Variants in RIMS1 observed in about 807,000 individuals in gnomAD.
RIMS1 encodes the protein regulating synaptic membrane exocytosis protein 1.
RIMS1 carries 83 observed loss-of-function variants against 214.1 expected under a neutral mutation model. The observed-to-expected ratio is 0.39, with a 90% CI of 0.32 to 0.47. The LOEUF (loss-of-function observed/expected upper bound fraction) is 0.47, where lower values mean the gene tolerates loss of function less well. Among genes scored for constraint, RIMS1 ranks in the 20% least tolerant of loss-of-function variants. The pLI is 0.99. For missense variants in RIMS1, 2,050 were observed against 2,161.8 expected, an observed-to-expected ratio of 0.95 and a Z score of 1.03; for synonymous variants, 793 against 786.8, an observed-to-expected ratio of 1.01 and a Z score of -0.13.
intron 4 of RIMS1, among the ~76,000 whole-genome samples, chr6:72,161,533 A>C (rs1162046962): frequency 7.1e-6 from 1 of 140,206 alleles, no homozygotes; most frequent in Non-Finnish European, 1.6e-5. Flanking sequence ...TTAGTGCTAT[A>C]AATTTCCCTC....
chr6:72,251,767 T>C (rs926421554), intron 15 of RIMS1, among the ~76,000 whole-genome samples: 1 of 151,874 alleles, frequency 6.6e-6, no homozygotes, highest in African/African-American at 2.4e-5. Flanking sequence ...CTGGAGTGCA[T>C]TGGCGTGATC....
chr6:72,031,180 T>C (rs1455862668), intron 2 of RIMS1, among the ~76,000 whole-genome samples: 1 of 152,118 alleles, frequency 6.6e-6, no homozygotes, highest in Non-Finnish European at 1.5e-5. Flanking sequence ...TAAATAGCAA[T>C]AAGAACAAAC....
intron 29 of RIMS1, among the ~76,000 whole-genome samples, chr6:72,354,219 CAATA>C (rs942687189): frequency 2.0e-5 from 3 of 151,840 alleles, no homozygotes; most frequent in African/African-American, 2.4e-5. Context: ...GACTCCGTCT[CAATA>C]AATAAATAAA....
At chr6:71,939,129 C>T (rs1043226458) in intron 1 of RIMS1, among the ~76,000 whole-genome samples, 7 of 152,174 alleles carry the variant, frequency 4.6e-5, no homozygotes, top group Non-Finnish European at 8.8e-5. Flanking sequence ...CACAGTTATG[C>T]CAAATTCTTT....
intron 6 of RIMS1, among the ~76,000 whole-genome samples, chr6:72,190,737 T>C (rs952938220): frequency 6.6e-6 from 1 of 152,172 alleles, no homozygotes; most frequent in African/African-American, 2.4e-5. Flanking sequence ...CAGGACCTGC[T>C]TGAGCCTGAT....
intron 2 of RIMS1, among the ~76,000 whole-genome samples, chr6:72,036,362 A>T (rs1046368726): frequency 2.6e-5 from 4 of 152,182 alleles, no homozygotes; most frequent in Admixed American, 6.5e-5. Flanking sequence ...AATCATACCC[A>T]TTCATTTCTT....
intron 1 of RIMS1, among the ~76,000 whole-genome samples, chr6:71,960,997 T>C (rs1792791811): frequency 6.6e-6 from 1 of 152,092 alleles, no homozygotes; most frequent in African/African-American, 2.4e-5. Flanking sequence ...ACATAACTAT[T>C]AGTGAATGAT....
At chr6:72,380,049 C>T (rs993687848) in intron 29 of RIMS1, among the ~76,000 whole-genome samples, 1 of 152,084 alleles carries the variant, frequency 6.6e-6, no homozygotes, top group Non-Finnish European at 1.5e-5. Context: ...ACATATACAC[C>T]ATGGAATACT....
At chr6:72,263,021 T>C (rs1332966207) in intron 19 of RIMS1, 2 of 779,692 alleles carry the variant, frequency 2.6e-6, no homozygotes, top group South Asian at 5.9e-5. Flanking sequence ...ATTTTACGAC[T>C]AATAGAGTAA....
intron 4 of RIMS1, among the ~76,000 whole-genome samples, chr6:72,121,477 G>T (rs2038294631): frequency 6.6e-6 from 1 of 151,888 alleles, no homozygotes; most frequent in African/African-American, 2.4e-5. Flanking sequence ...GTATAGGAAT[G>T]CTTGTGATTT....
At chr6:72,202,722 A>G (rs1372477020) in intron 6 of RIMS1, among the ~76,000 whole-genome samples, 1 of 152,202 alleles carries the variant, frequency 6.6e-6, no homozygotes, top group Non-Finnish European at 1.5e-5. Context: ...ATGATCATGA[A>G]GAACCTTATT....
Position 72,251,261 on chromosome 6 carries a change from G to A in RIMS1, c.2591G>A (p.Trp864Ter). 6.3e-7 allele frequency: 1 copy of A among 1,598,606 alleles called. No individual in the cohort carries two copies. Among genetic ancestry groups the A allele is most frequent in the Non-Finnish European group, 8.5e-7 (1 of 1,171,696 alleles). ...GCGCTTTTAGATGATGAACCGCATT[G>A]GTATAAACTTCAGACACATGATGAG... is the stretch of plus-strand genomic sequence containing the variant. Reference protein sequence around the residue: ...ETALLDDEPHWYKLQTHDESS... With the variant: ...ETALLDDEPH The change falls in exon 15 of 34, where the codon TGG becomes TAG. Residue 864 changes from tryptophan to a stop codon, truncating the protein, a stop_gained. Coordinates refer to ENST00000521978, the MANE Select transcript of RIMS1 (RefSeq NM_014989.7). LOFTEE classifies it high-confidence loss of function.
chr6:72,332,466 A>G (rs1345401163), intron 28 of RIMS1, among the ~76,000 whole-genome samples: 2 of 143,904 alleles, frequency 1.4e-5, no homozygotes, highest in Non-Finnish European at 3.0e-5. Context: ...GTTCTCACTC[A>G]TAGATGGGAA....
chr6:72,196,273 AACCT>A (rs1554269173), intron 6 of RIMS1, among the ~76,000 whole-genome samples: 1 of 152,084 alleles, frequency 6.6e-6, no homozygotes, highest in Non-Finnish European at 1.5e-5. Context: ...ATCTAAAAAG[AACCT>A]ACTGCATTAT....
At position 72,153,115 on chromosome 6, in the gene RIMS1, A is replaced by G. The variant is rs553170283; in HGVS notation, c.472-26460A>G. Among the ~76,000 whole-genome samples, 17 of 146,740 alleles carry G rather than the reference A, an allele frequency of 1.2e-4. 1 individual carries two copies. The highest frequency in any genetic ancestry group is 4.2e-4 in the African/African-American group (17 of 40,444). On this transcript the variant is annotated intron_variant, in intron 4 of 33. Coordinates refer to ENST00000521978, the MANE Select transcript of RIMS1 (RefSeq NM_014989.7). ...ATATATTCCCTATGTATATATATGG[A>G]ATATATGTATATATTCCCTATGTAT...
At chr6:72,014,869 T>G (rs1200482730) in intron 2 of RIMS1, among the ~76,000 whole-genome samples, 1 of 152,208 alleles carries the variant, frequency 6.6e-6, no homozygotes, top group Non-Finnish European at 1.5e-5. Context: ...TCATGATATA[T>G]CCTCTTTGGA....
chr6:71,895,960 A>T (rs1771622474), intron 1 of RIMS1, among the ~76,000 whole-genome samples: 1 of 152,170 alleles, frequency 6.6e-6, no homozygotes. Flanking sequence ...TTTTCCTTTT[A>T]TATTTCACAC....
chr6:72,053,729 A>G (rs1264144316), intron 2 of RIMS1, among the ~76,000 whole-genome samples: 2 of 152,154 alleles, frequency 1.3e-5, no homozygotes, highest in African/African-American at 2.4e-5. Context: ...ATGCTTTTGA[A>G]TCAGGAAATA....
In RIMS1 at chr6:72,390,588, C is replaced by T. The variant is rs758966067; in HGVS notation, c.4367-10C>T. The T allele has an allele frequency of 5.0e-6, 8 of 1,608,806 alleles. No homozygotes were observed. The highest frequency in any genetic ancestry group is 6.8e-6 in the Non-Finnish European group (8 of 1,177,066). On this transcript the variant is annotated splice_polypyrimidine_tract_variant and intron_variant, in intron 29 of 33. Transcript: ENST00000521978. The stretch of plus-strand genomic sequence containing the variant: ...TAAAACTTAGAGTTTCTTTTACTCT[C>T]TCCTGTCAGAGTCGGGCCACAAAAA...
Sources: gnomAD v4.1 joint callset for allele counts (sites outside exome capture counted in the v4.1 genomes callset) on GRCh38, gnomAD v4.1.1 for gene constraint, MANE v1.5 for transcripts, NCBI Gene and HGNC (gene_info 2026-07-23, HGNC 2026-07-21) for gene names.